The following LRIT3 variants were observed in gnomAD, a reference collection of about 807,000 sequenced individuals.
LRIT3 encodes the protein leucine rich repeat, Ig-like and transmembrane domains 3, also known as leucine-rich repeat, immunoglobulin-like domain and transmembrane domain-containing protein 3.
A neutral mutation model predicts 22.6 loss-of-function variants in LRIT3; 14 were observed. That is an observed-to-expected ratio of 0.62 (90% CI 0.41 to 0.97). The LOEUF (loss-of-function observed/expected upper bound fraction) is 0.97, where lower values mean the gene tolerates loss of function less well. Ranked by LOEUF, LRIT3 falls within the 50% of genes least tolerant of loss-of-function variation. The probability of loss-of-function intolerance (pLI) is 0.00; values close to 1 mark genes in which losing one functional copy is unlikely to be tolerated. For synonymous variants in LRIT3, 306 were observed against 304.5 expected (o/e 1.01, Z -0.05); for missense variants, 783 against 803.0 (o/e 0.98, Z 0.30).
chr4:109,850,395 C>T (rs28756348), intron 1 of LRIT3, among the ~76,000 whole-genome samples: 2,261 of 5,328 alleles, frequency 0.42, 87 homozygotes, highest in African/African-American at 0.47. Context: ...TCCTTCCTTC[C>T]TTCCTTCCTT....
chr4:109,851,394 C>T (rs963228931), intron 1 of LRIT3, 110 bp from the exon 2 acceptor site: 25 of 1,403,096 alleles, frequency 1.8e-5, no homozygotes, highest in Middle Eastern at 5.2e-4. Context: ...GGATTACAGG[C>T]GTGAGCCACT....
At chr4:109,850,424 T>TTCC (rs775517622) in intron 1 of LRIT3, among the ~76,000 whole-genome samples, 420 of 22,298 alleles carry the variant, frequency 0.019, 46 homozygotes, top group East Asian at 0.027. Flanking sequence ...CCTTCCTTCC[T>TTCC]TTCTTTCTTT....
intron 2 of LRIT3, among the ~76,000 whole-genome samples, chr4:109,855,015 T>G (rs1734366608): frequency 6.6e-6 from 1 of 152,198 alleles, no homozygotes; most frequent in Non-Finnish European, 1.5e-5. Flanking sequence ...TCATCAGGGA[T>G]ATTGGCCTGA....
At chr4:109,864,332 G>T (rs1734627108) in intron 2 of LRIT3, among the ~76,000 whole-genome samples, 1 of 152,028 alleles carries the variant, frequency 6.6e-6, no homozygotes, top group Non-Finnish European at 1.5e-5. Flanking sequence ...CTTTGCCCTA[G>T]AGGACACTTG....
intron 2 of LRIT3, among the ~76,000 whole-genome samples, chr4:109,864,421 T>C (rs181566813): frequency 3.3e-5 from 5 of 152,286 alleles, no homozygotes; most frequent in Admixed American, 1.3e-4. Context: ...GATCCTCACT[T>C]TGAGATTTAA....
chr4:109,869,964 C>T lies in LRIT3; in HGVS notation c.1215C>T (p.Pro405=). ...SSFSASTLSP[P]STASFSLSPF... ...TTTCTGCTTCTACTTTGTCTCCTCC[C>T]TCTACTGCTTCCTTCTCTTTATCTC... Residue 405 remains proline (P), a synonymous_variant, in exon 4 of 4, where the codon CCC becomes CCT. Transcript: ENST00000594814. 1 of 1,614,094 alleles carries T rather than the reference C, an allele frequency of 6.2e-7. No homozygotes were observed.
intron 2 of LRIT3, among the ~76,000 whole-genome samples, chr4:109,855,223 T>A (rs1322397500): frequency 1.3e-5 from 2 of 152,182 alleles, no homozygotes; most frequent in Non-Finnish European, 2.9e-5. Flanking sequence ...TCAGAACTTG[T>A]TATTTGTCTA....
chr4:109,863,283 G>A (rs557972018), intron 2 of LRIT3, among the ~76,000 whole-genome samples: 1 of 152,202 alleles, frequency 6.6e-6, no homozygotes, highest in Non-Finnish European at 1.5e-5. Context: ...CCTTTAACCA[G>A]CATGGTGGTT....
chr4:109,849,665 T>C (rs961221419), intron 1 of LRIT3, among the ~76,000 whole-genome samples: 3 of 152,206 alleles, frequency 2.0e-5, no homozygotes, highest in Non-Finnish European at 4.4e-5. Flanking sequence ...CAGGCTGGAG[T>C]GCAGTGGCAC....
Position 109,869,764 on chromosome 4 carries a change from G to C in LRIT3, c.1015G>C (p.Ala339Pro). The change falls in exon 4 of 4, where the codon GCT becomes CCT. Residue 339 changes from alanine to proline, a missense_variant. Around this residue, in one of 2 missense-constraint regions of LRIT3, gnomAD observed 756 missense variants for 753.8 expected, o/e 1.00. Transcript: ENST00000594814. ...CAAAAATCTGGCTGGGATGTCAGAA[G>C]CTGTGGTTACTGTGACAGTGCTTGG... The part of the protein sequence containing the change: ...KAKNLAGMSE[A>P]VVTVTVLGIT... 1 of 1,613,886 alleles carries C rather than the reference G, an allele frequency of 6.2e-7. No individual in the cohort carries two copies. The highest frequency in any genetic ancestry group is 8.5e-7 in the Non-Finnish European group (1 of 1,179,794).
chr4:109,851,620 A>G lies in LRIT3; in HGVS notation c.233A>G (p.Tyr78Cys), dbSNP rs540291338. 6 of 1,551,704 alleles carry G rather than the reference A, an allele frequency of 3.9e-6. No individual in the cohort carries two copies. Among genetic ancestry groups the G allele is most frequent in the South Asian group, 2.4e-5 (2 of 84,060 alleles). ...CGCAGAATCTCTGCGGAGGCCTTCTATTACCTGGTGGAGCTCCAGTATCTC... is the reference window on the plus strand; with the variant it reads ...CGCAGAATCTCTGCGGAGGCCTTCTGTTACCTGGTGGAGCTCCAGTATCTC... ...VIRRISAEAF[Y>C]YLVELQYLWV... Residue 78 changes from tyrosine to cysteine, a missense_variant, in exon 2 of 4, where the codon TAT (tyrosine) becomes TGT (cysteine). Around this residue, in one of 2 missense-constraint regions of LRIT3, gnomAD observed 756 missense variants for 753.8 expected, o/e 1.00. Transcript: ENST00000594814.
At position 109,851,830 on chromosome 4, in the gene LRIT3, C is replaced by T. The variant is rs752362240; in HGVS notation, c.443C>T (p.Ala148Val). ...AAAATAACCAGTGTGCCAAATGAGG[C>T]GCTCAGGTATCTGAAGAACCTTGCC... The part of the protein sequence containing the change: ...NNKITSVPNE[A>V]LRYLKNLAYL... The change falls in exon 2 of 4, where the codon GCG becomes GTG. Residue 148 changes from alanine to valine, a missense_variant. Physicochemically the swap from Ala to Val is moderately conservative, Grantham distance 64. Transcript: ENST00000594814. The T allele has an allele frequency of 4.9e-5, 76 of 1,551,678 alleles. No homozygotes were observed. In the Middle Eastern group the frequency reaches 1.3e-3, roughly 27 times the overall value.
chr4:109,864,167 C>T (rs1179348486), intron 2 of LRIT3, among the ~76,000 whole-genome samples: 1 of 151,888 alleles, frequency 6.6e-6, no homozygotes, highest in Non-Finnish European at 1.5e-5. Flanking sequence ...ATATAAGTAA[C>T]CTTTTATTTC....
intron 1 of LRIT3, among the ~76,000 whole-genome samples, chr4:109,848,978 GTT>G (rs1734142957): frequency 6.6e-6 from 1 of 152,136 alleles, no homozygotes; most frequent in South Asian, 2.1e-4. Flanking sequence ...TTTTAGATAT[GTT>G]AAATGCAAAA....
At chr4:109,865,036 C>G in intron 2 of LRIT3, 3 of 1,390,776 alleles carry the variant, frequency 2.2e-6, no homozygotes, top group Non-Finnish European at 2.8e-6. Context: ...CTGCTTTTTA[C>G]TGAGTGATGA....
chr4:109,869,634 T>G lies in LRIT3; in HGVS notation c.896-11T>G. On this transcript the variant is annotated splice_polypyrimidine_tract_variant and intron_variant, in intron 3 of 3. Coordinates refer to ENST00000594814, the MANE Select transcript of LRIT3 (RefSeq NM_198506.5). ...TTGTTCCTCACAGACTATACATTTGTTTTCTTCCAGTAATACAAGAATCTC... is the reference window on the plus strand; with the variant it reads ...TTGTTCCTCACAGACTATACATTTGGTTTCTTCCAGTAATACAAGAATCTC... The G allele has an allele frequency of 6.5e-7, 1 of 1,529,698 alleles. No individual in the cohort carries two copies. 94.8% of individuals were successfully genotyped at this position (1,529,698 alleles called of 1,614,324 possible). A position where few individuals can be genotyped will look rare whatever the true frequency, so the allele number is the denominator to read the frequency against.
intron 2 of LRIT3, among the ~76,000 whole-genome samples, chr4:109,860,549 T>G (rs1734511803): frequency 6.6e-6 from 1 of 152,212 alleles, no homozygotes; most frequent in East Asian, 1.9e-4. Context: ...AAAACCTTGT[T>G]TTTAATGGAG....
Position 109,848,172 on chromosome 4 carries a change from C to T in LRIT3, c.-30C>T, listed in dbSNP as rs973073905. On this transcript the variant is annotated 5_prime_UTR_variant, in exon 1 of 4. Transcript: ENST00000594814. ...TGAATGCTTAGGATTCGGTTTTTACCTTTTGTTTAAATAACCTCTAAAAGG... is the reference window on the plus strand; with the variant it reads ...TGAATGCTTAGGATTCGGTTTTTACTTTTTGTTTAAATAACCTCTAAAAGG... 2 of 1,185,714 alleles carry T rather than the reference C, an allele frequency of 1.7e-6. No individual in the cohort carries two copies. The highest frequency in any genetic ancestry group is 1.1e-6 in the Non-Finnish European group (1 of 945,744). The allele number at this position is 1,185,714 out of a possible 1,614,324, so 73.4% of individuals were successfully genotyped here. A position where few individuals can be genotyped will look rare whatever the true frequency, so the allele number is the denominator to read the frequency against.
chr4:109,863,940 CA>C (rs149405592), intron 2 of LRIT3, among the ~76,000 whole-genome samples: 249 of 152,158 alleles, frequency 1.6e-3, no homozygotes, highest in African/African-American at 5.7e-3. Flanking sequence ...AGGAAGCAAT[CA>C]AAACTTGTAA....
Sources: gnomAD v4.1 joint callset for allele counts (sites outside exome capture counted in the v4.1 genomes callset) on GRCh38, gnomAD v4.1.1 for gene constraint, gnomAD v4.1.1 regional missense constraint, MANE v1.5 for transcripts, NCBI Gene and HGNC (gene_info 2026-07-23, HGNC 2026-07-21) for gene names.